Variants in ARID2 observed in about 807,000 individuals in gnomAD.
ARID2 encodes the protein AT-rich interaction domain 2.
A neutral mutation model predicts 184.6 loss-of-function variants in ARID2; 32 were observed. The observed-to-expected ratio is 0.17, with a 90% CI of 0.13 to 0.23. The LOEUF is 0.23. Among genes scored for constraint, ARID2 ranks in the 10% least tolerant of loss-of-function variants. The probability of loss-of-function intolerance (pLI) is 1.00; values close to 1 mark genes in which losing one functional copy is unlikely to be tolerated. For missense variants in ARID2, 1,696 were observed against 2,197.6 expected, an observed-to-expected ratio of 0.77 and a Z score of 4.56; for synonymous variants, 836 against 772.6, an observed-to-expected ratio of 1.08 and a Z score of -1.36.
chr12:45,761,849 T>G (rs1031114966), intron 3 of ARID2, among the ~76,000 whole-genome samples: 2 of 152,146 alleles, frequency 1.3e-5, no homozygotes, highest in Non-Finnish European at 2.9e-5. Flanking sequence ...GGTAGATATT[T>G]ACACTAATAC....
intron 6 of ARID2, among the ~76,000 whole-genome samples, chr12:45,823,893 C>T (rs1942943807): frequency 6.6e-6 from 1 of 152,014 alleles, no homozygotes; most frequent in South Asian, 2.1e-4. Context: ...CTAACTATTC[C>T]AAAAATCTGA....
intron 6 of ARID2, among the ~76,000 whole-genome samples, chr12:45,824,866 CATAT>C (rs202172861): frequency 2.7e-5 from 4 of 145,898 alleles, no homozygotes; most frequent in African/African-American, 1.0e-4. Context: ...TATATATATA[CATAT>C]ATATATATAT....
chr12:45,767,150 T>C (rs1941787310), intron 3 of ARID2, among the ~76,000 whole-genome samples: 1 of 152,210 alleles, frequency 6.6e-6, no homozygotes, highest in Admixed American at 6.5e-5. Context: ...CTAATCATAT[T>C]GAGTACTGTT....
intron 3 of ARID2, among the ~76,000 whole-genome samples, chr12:45,804,251 A>G (rs58317461): frequency 0.011 from 1,735 of 152,204 alleles, 36 homozygotes; most frequent in African/African-American, 0.039. Context: ...GTATTCTGAG[A>G]TTCTTCATTA....
intron 3 of ARID2, among the ~76,000 whole-genome samples, chr12:45,737,449 T>G (rs1941154276): frequency 6.6e-6 from 1 of 151,926 alleles, no homozygotes; most frequent in Admixed American, 6.6e-5. Context: ...ATTGCTTTCT[T>G]TTGGTGTCAA....
intron 3 of ARID2, among the ~76,000 whole-genome samples, chr12:45,778,566 A>G (rs927515114): frequency 5.9e-5 from 9 of 152,130 alleles, no homozygotes; most frequent in Non-Finnish European, 8.8e-5. Context: ...AGATAGATCT[A>G]TATTTGCTCG....
chr12:45,868,048 T>C (rs1288239065), intron 16 of ARID2, among the ~76,000 whole-genome samples: 1 of 152,244 alleles, frequency 6.6e-6, no homozygotes, highest in Non-Finnish European at 1.5e-5. Context: ...TTGAGTTAAA[T>C]ATCTTTATGA....
chr12:45,793,189 A>G (rs1942324190), intron 3 of ARID2, among the ~76,000 whole-genome samples: 1 of 151,952 alleles, frequency 6.6e-6, no homozygotes, highest in South Asian at 2.1e-4. Flanking sequence ...AATCCCAGTT[A>G]CTTGGGAGGC....
At chr12:45,853,888 C>G (rs547831010) in intron 15 of ARID2, among the ~76,000 whole-genome samples, 27 of 152,334 alleles carry the variant, frequency 1.8e-4, no homozygotes, top group South Asian at 1.7e-3. Context: ...CCCCTTGCTT[C>G]AGAACTAGTA....
intron 3 of ARID2, among the ~76,000 whole-genome samples, chr12:45,771,767 A>G (rs1941882668): frequency 6.6e-6 from 1 of 152,010 alleles, no homozygotes; most frequent in Admixed American, 6.6e-5. Flanking sequence ...AGTGTGAGGA[A>G]AATTTGTTGG....
intron 3 of ARID2, among the ~76,000 whole-genome samples, chr12:45,793,643 A>G (rs1942333635): frequency 6.6e-6 from 1 of 151,620 alleles, no homozygotes; most frequent in South Asian, 2.1e-4. Flanking sequence ...CCAGAGGACA[A>G]TATATATACA....
chr12:45,899,725 T>TTA (rs372531225), intron 20 of ARID2, among the ~76,000 whole-genome samples: 4,006 of 108,704 alleles, frequency 0.037, 103 homozygotes, highest in Non-Finnish European at 0.054. Flanking sequence ...ATATATATGG[T>TTA]TATATATATA....
At chr12:45,748,953 G>A (rs896035964) in intron 3 of ARID2, among the ~76,000 whole-genome samples, 1 of 152,128 alleles carries the variant, frequency 6.6e-6, no homozygotes, top group Non-Finnish European at 1.5e-5. Context: ...TAATCTTGAA[G>A]CCCTCAAAGT....
intron 6 of ARID2, among the ~76,000 whole-genome samples, chr12:45,823,698 A>G (rs1439374465): frequency 6.6e-6 from 1 of 152,116 alleles, no homozygotes; most frequent in Non-Finnish European, 1.5e-5. Context: ...GAAAAAATGG[A>G]TAAATACTTG....
Position 45,801,968 on chromosome 12 carries a change from G to A in ARID2, c.285-9450G>A, listed in dbSNP as rs143802191. Among the ~76,000 whole-genome samples the A allele has an allele frequency of 4.3e-4, 65 of 152,238 alleles. No homozygotes were observed. The East Asian group carries it at 0.011, about 27-fold the overall frequency. On this transcript the variant is annotated intron_variant, in intron 3 of 20. Coordinates refer to ENST00000334344, the MANE Select transcript of ARID2 (RefSeq NM_152641.4). ...TAAAAGTTGTTTTTAAAGGGTTCAA[G>A]CCTACAGAAACTTAAGGGAGGTTTT...
intron 16 of ARID2, among the ~76,000 whole-genome samples, chr12:45,875,219 G>A (rs1053100847): frequency 7.9e-5 from 12 of 152,224 alleles, no homozygotes; most frequent in African/African-American, 2.7e-4. Context: ...TCCTTGTAGA[G>A]CTCCATCAGA....
chr12:45,885,391 GC>G (rs1215438498), intron 16 of ARID2, among the ~76,000 whole-genome samples: 1 of 151,540 alleles, frequency 6.6e-6, no homozygotes, highest in African/African-American at 2.4e-5. Context: ...ACATTTATGT[GC>G]CATCTTTTTA....
intron 16 of ARID2, among the ~76,000 whole-genome samples, chr12:45,878,536 C>T (rs1041875594): frequency 1.3e-5 from 2 of 152,064 alleles, no homozygotes; most frequent in Admixed American, 6.5e-5. Flanking sequence ...CTATGAAAGA[C>T]ATTGTTTATT....
At position 45,729,857 on chromosome 12, in the gene ARID2, G is replaced by A. The variant is rs1282124456; in HGVS notation, c.21G>A (p.Lys7=). 2 of 1,611,212 alleles carry A rather than the reference G, an allele frequency of 1.2e-6. No individual in the cohort carries two copies. The highest frequency in any genetic ancestry group is 1.3e-5 in the African/African-American group (1 of 74,888). The change falls in exon 1 of 21, where the codon AAG becomes AAA. Residue 7 remains lysine (K), a synonymous_variant. Coordinates refer to ENST00000334344, the MANE Select transcript of ARID2 (RefSeq NM_152641.4). ...AAATAATGGCAAACTCGACGGGGAA[G>A]GCGCCTCCGGACGAGCGGAGAAAGG... MANSTG[K]APPDERRKGL... is the part of the protein sequence containing the mutation.
Sources: gnomAD v4.1 joint callset for allele counts (sites outside exome capture counted in the v4.1 genomes callset) on GRCh38, gnomAD v4.1.1 for gene constraint, MANE v1.5 for transcripts, NCBI Gene and HGNC (gene_info 2026-07-23, HGNC 2026-07-21) for gene names.